USP38: variants seen among roughly 807,000 people sequenced by gnomAD.
USP38 encodes the protein ubiquitin carboxyl-terminal hydrolase 38.
A neutral mutation model predicts 94.3 loss-of-function variants in USP38; 49 were observed. That is an observed-to-expected ratio of 0.52 (90% CI 0.41 to 0.66). USP38 has a LOEUF of 0.66. USP38 is among the 30% of genes least tolerant of loss of function. USP38 has a pLI of 0.00. For synonymous variants in USP38, 468 were observed against 463.6 expected, an observed-to-expected ratio of 1.01 and a Z score of -0.12; for missense variants, 1,128 against 1,229.4, an observed-to-expected ratio of 0.92 and a Z score of 1.23.
At chr4:143,217,333 C>G (rs1400057037) in intron 9 of USP38, among the ~76,000 whole-genome samples, 1 of 152,126 alleles carries the variant, frequency 6.6e-6, no homozygotes, top group Admixed American at 6.6e-5. Flanking sequence ...ACACCTGGAG[C>G]ATGTACATGT....
intron 2 of USP38, among the ~76,000 whole-genome samples, chr4:143,190,295 A>G (rs539119502): frequency 6.6e-6 from 1 of 152,232 alleles, no homozygotes; most frequent in Non-Finnish European, 1.5e-5. Flanking sequence ...GACATAAACT[A>G]TTTAATACTC....
Position 143,220,383 on chromosome 4 carries a change from C to T in USP38, c.3056C>T (p.Pro1019Leu). 1 of 1,613,446 alleles carries T rather than the reference C, an allele frequency of 6.2e-7. No homozygotes were observed. The highest frequency in any genetic ancestry group is 8.5e-7 in the Non-Finnish European group (1 of 1,179,630). ...CCCAATGGATTTGATGACAACGACC[C>T]ACCAGGAAGCTGTGGACCAACTGGT... is the stretch of plus-strand genomic sequence containing the variant. ...FRPNGFDDND[P>L]PGSCGPTGGG... is the part of the protein sequence containing the mutation. The change falls in exon 10 of 10, where the codon CCA becomes CTA. Residue 1019 changes from proline to leucine, a missense_variant. Physicochemically the swap from Pro to Leu is moderately conservative, Grantham distance 98 (BLOSUM62 -3). Coordinates refer to ENST00000307017, the MANE Select transcript of USP38 (RefSeq NM_032557.6).
At chr4:143,189,340 C>T (rs1203846011) in intron 2 of USP38, among the ~76,000 whole-genome samples, 3 of 151,708 alleles carry the variant, frequency 2.0e-5, no homozygotes, top group Non-Finnish European at 2.9e-5. Flanking sequence ...TTATTTAATA[C>T]CTGCCTGTTT....
At chr4:143,204,974 G>T (rs1731820092) in intron 5 of USP38, among the ~76,000 whole-genome samples, 1 of 152,260 alleles carries the variant, frequency 6.6e-6, no homozygotes, top group Non-Finnish European at 1.5e-5. Context: ...CACAAAGACT[G>T]TTAAGCAATT....
chr4:143,185,393 T>A lies in USP38; in HGVS notation c.-58T>A. ...CGCCCCGGGGCTCTCCTGCCCCACC[T>A]CGGGGCTGCCGCCACCCGCTCCTTA... On this transcript the variant is annotated 5_prime_UTR_variant, in exon 1 of 10. Transcript: ENST00000307017. 1 of 1,514,516 alleles carries A rather than the reference T, an allele frequency of 6.6e-7. No individual in the cohort carries two copies. Among genetic ancestry groups the A allele is most frequent in the Non-Finnish European group, 8.8e-7 (1 of 1,132,020 alleles). The allele number at this position is 1,514,516 out of a possible 1,614,324, so 93.8% of individuals were successfully genotyped here.
At position 143,193,018 on chromosome 4, in the gene USP38, C is replaced by T. The variant is rs1468628394; in HGVS notation, c.819-2698C>T. Among the ~76,000 whole-genome samples the T allele has an allele frequency of 2.6e-5, 4 of 152,102 alleles. No homozygotes were observed. In the East Asian group the frequency reaches 7.7e-4, roughly 29 times the overall value. ...CTCTCAGTACTCTCTTTAGACTGGC[C>T]TTGAGACCTGTATTCTGGTGAGCCC... On this transcript the variant is annotated intron_variant, in intron 2 of 9. Transcript: ENST00000307017.
Position 143,214,326 on chromosome 4 carries a change from G to A in USP38, c.2350G>A (p.Val784Ile), listed in dbSNP as rs770499256. 6.2e-7 allele frequency: 1 copy of A among 1,613,144 alleles called. No individual in the cohort carries two copies. Among genetic ancestry groups the A allele is most frequent in the East Asian group, 2.2e-5 (1 of 44,858 alleles). Residue 784 changes from valine to isoleucine, a missense_variant, in exon 9 of 10, where the codon GTA becomes ATA. Physicochemically the swap from Val to Ile is conservative, Grantham distance 29. Coordinates refer to ENST00000307017, the MANE Select transcript of USP38 (RefSeq NM_032557.6). ...TGTGAGAAGGAAAATTTTAGACAAT[G>A]TATCACTGCCACTGGTTTTGGAGTT... ...YHVRRKILDN[V>I]SLPLVLELPV...
Position 143,185,383 on chromosome 4 carries a change from C to T in USP38, c.-68C>T, listed in dbSNP as rs1254939407. On this transcript the variant is annotated 5_prime_UTR_variant, in exon 1 of 10. Transcript: ENST00000307017. ...AGTTCATCTCCGCCCCGGGGCTCTC[C>T]TGCCCCACCTCGGGGCTGCCGCCAC... is the stretch of plus-strand genomic sequence containing the variant. The T allele has an allele frequency of 2.3e-5, 35 of 1,497,198 alleles. No individual in the cohort carries two copies. The Middle Eastern group carries it at 8.7e-4, about 37-fold the overall frequency. The allele number at this position is 1,497,198 out of a possible 1,614,324, so 92.7% of individuals were successfully genotyped here.
chr4:143,208,084 A>G (rs1731921123), intron 6 of USP38, among the ~76,000 whole-genome samples: 2 of 152,314 alleles, frequency 1.3e-5, no homozygotes, highest in South Asian at 4.1e-4. Context: ...GAAAATTTGC[A>G]GAGAATCCTA....
In USP38 at chr4:143,214,229, T is replaced by A; in HGVS notation, c.2253T>A (p.Thr751=). ...CCTCTCTGCAAAATGCTGAGAAAACTATGCAAATCACGGAGGAACCTGAAT... is the reference window on the plus strand; with the variant it reads ...CCTCTCTGCAAAATGCTGAGAAAACAATGCAAATCACGGAGGAACCTGAAT... The part of the protein sequence containing the change: ...NCASLQNAEK[T]MQITEEPEYL... The change falls in exon 9 of 10, where the codon ACT becomes ACA. Residue 751 remains threonine (T), a synonymous_variant. Coordinates refer to ENST00000307017, the MANE Select transcript of USP38 (RefSeq NM_032557.6). 1 of 1,613,692 alleles carries A rather than the reference T, an allele frequency of 6.2e-7. No individual in the cohort carries two copies.
At chr4:143,196,533 C>T (rs1731554130) in intron 3 of USP38, among the ~76,000 whole-genome samples, 1 of 152,234 alleles carries the variant, frequency 6.6e-6, no homozygotes, top group East Asian at 1.9e-4. Context: ...CTCTTGTTTC[C>T]AGGACATTAT....
intron 6 of USP38, among the ~76,000 whole-genome samples, chr4:143,207,828 G>A (rs774168689): frequency 6.6e-6 from 1 of 152,044 alleles, no homozygotes; most frequent in Non-Finnish European, 1.5e-5. Context: ...AACGGCAAGA[G>A]CAAATAAAAG....
intron 9 of USP38, among the ~76,000 whole-genome samples, chr4:143,216,951 A>G (rs925586944): frequency 6.6e-6 from 1 of 152,166 alleles, no homozygotes; most frequent in African/African-American, 2.4e-5. Context: ...CTGGGATTAC[A>G]GGCATACGCC....
rs567852996 is a variant in USP38, at chr4:143,213,420, T to G, written c.1605-161T>G. 4.6e-5 allele frequency among the ~76,000 whole-genome samples: 7 copies of G among 152,256 alleles called. 1 individual carries two copies. The South Asian group carries it at 1.4e-3, about 32-fold the overall frequency. On this transcript the variant is annotated intron_variant, in intron 8 of 9. Transcript: ENST00000307017. ...ATAGCCACCCAGCTTTTTTTCTGCATTCTCAAAACTGTTCAATTTTCTTTT... is the reference window on the plus strand; with the variant it reads ...ATAGCCACCCAGCTTTTTTTCTGCAGTCTCAAAACTGTTCAATTTTCTTTT...
At chr4:143,216,497 C>T (rs1581169719) in intron 9 of USP38, among the ~76,000 whole-genome samples, 1 of 148,924 alleles carries the variant, frequency 6.7e-6, no homozygotes, top group Non-Finnish European at 1.5e-5. Flanking sequence ...TTTTTTGAGA[C>T]TGTCTCATTC....
intron 2 of USP38, among the ~76,000 whole-genome samples, chr4:143,192,034 T>C (rs1731410258): frequency 6.6e-6 from 1 of 152,264 alleles, no homozygotes; most frequent in South Asian, 2.1e-4. Context: ...TATTCTATGC[T>C]GGCAGAGCTT....
intron 6 of USP38, 75 bp from the exon 7 acceptor site, chr4:143,209,489 C>CAAAAA: frequency 1.4e-6 from 1 of 699,144 alleles, no homozygotes; most frequent in Non-Finnish European, 2.1e-6. Flanking sequence ...AACTCTGTCT[C>CAAAAA]AAAAAAAAAA....
chr4:143,188,459 A>G (rs1010117227), intron 2 of USP38, among the ~76,000 whole-genome samples: 2 of 151,962 alleles, frequency 1.3e-5, no homozygotes, highest in Non-Finnish European at 2.9e-5. Context: ...TTCTCTTAGC[A>G]TTTTAAAAAT....
Position 143,185,269 on chromosome 4 carries a change from C to T in USP38, c.-182C>T, listed in dbSNP as rs1731177039. On this transcript the variant is annotated 5_prime_UTR_variant, in exon 1 of 10. Transcript: ENST00000307017. ...GCTCTCCAGGCTCGCTAGCTCCCGC[C>T]CCGGCTTGGATGGGTCTCCCTGCGC... 2.9e-6 allele frequency: 2 copies of T among 683,828 alleles called. No individual in the cohort carries two copies. The highest frequency in any genetic ancestry group is 2.0e-5 in the South Asian group (1 of 49,466). The allele number at this position is 683,828 out of a possible 1,614,324, so 42.4% of individuals were successfully genotyped here. A position where few individuals can be genotyped will look rare whatever the true frequency, so the allele number is the denominator to read the frequency against.
Sources: allele counts gnomAD v4.1 joint callset (sites outside exome capture counted in the v4.1 genomes callset), GRCh38; gene constraint gnomAD v4.1.1; transcripts MANE v1.5; gene names NCBI Gene and HGNC (gene_info 2026-07-23, HGNC 2026-07-21).